The following DLGAP3 variants were observed in gnomAD, a reference collection of about 807,000 sequenced individuals.
The protein encoded by DLGAP3 is disks large-associated protein 3.
DLGAP3 carries 17 observed loss-of-function variants against 81.2 expected under a neutral mutation model. That is an observed-to-expected ratio of 0.21 (90% confidence interval 0.14 to 0.31). The LOEUF is 0.31. DLGAP3 is among the 10% of genes least tolerant of loss of function. The pLI, the probability that DLGAP3 is intolerant of heterozygous loss-of-function variation, is 1.00. For synonymous variants in DLGAP3, 577 were observed against 587.4 expected (o/e 0.98, Z 0.26); for missense variants, 1,124 against 1,388.0 (o/e 0.81, Z 3.02).
At chr1:34,880,228 A>AT (rs1199234083) in intron 8 of DLGAP3, among the ~76,000 whole-genome samples, 2 of 152,026 alleles carry the variant, frequency 1.3e-5, no homozygotes, top group African/African-American at 2.4e-5. Context: ...TAATTTTTGC[A>AT]TTTTTTGTAG....
At chr1:34,889,371 C>G (rs969540722) in intron 5 of DLGAP3, among the ~76,000 whole-genome samples, 1 of 152,186 alleles carries the variant, frequency 6.6e-6, no homozygotes, top group African/African-American at 2.4e-5. Context: ...AGAAATATTA[C>G]ACCCATGTTG....
At chr1:34,910,282 G>A (rs995879065) in intron 1 of DLGAP3, among the ~76,000 whole-genome samples, 1 of 152,160 alleles carries the variant, frequency 6.6e-6, no homozygotes, top group Admixed American at 6.5e-5. Context: ...CACTGCTAAC[G>A]AATCCAACTG....
chr1:34,882,917 T>C (rs955595094), intron 8 of DLGAP3, among the ~76,000 whole-genome samples: 1 of 152,178 alleles, frequency 6.6e-6, no homozygotes, highest in African/African-American at 2.4e-5. Flanking sequence ...TGTCAAACTC[T>C]TTCCTGCCCC....
In DLGAP3 at chr1:34,873,151, A is replaced by G. The variant is rs1639004246; in HGVS notation, c.2001-4062T>C. 1.3e-5 allele frequency among the ~76,000 whole-genome samples: 2 copies of G among 152,238 alleles called. No individual in the cohort carries two copies. Among genetic ancestry groups the G allele is most frequent in the African/African-American group, 4.8e-5 (2 of 41,460 alleles). ...TTAGTGTCAGCCCTACTTGTAGATCAGAAAACCGAGGCTTAGTGGGGTTGA... is the reference window on the plus strand; with the variant it reads ...TTAGTGTCAGCCCTACTTGTAGATCGGAAAACCGAGGCTTAGTGGGGTTGA... On this transcript the variant is annotated intron_variant, in intron 8 of 11. Coordinates refer to ENST00000373347, the MANE Select transcript of DLGAP3 (RefSeq NM_001080418.3). This position sits in a 1 kb window ranked among gnomAD's most constrained non-coding sequence, Gnocchi z 4.2.
chr1:34,927,419 G>A (rs1230803435), intron 1 of DLGAP3, among the ~76,000 whole-genome samples: 1 of 152,112 alleles, frequency 6.6e-6, no homozygotes, highest in Non-Finnish European at 1.5e-5. Context: ...GTTGGACCAA[G>A]TCAATACTAA....
intron 7 of DLGAP3, 145 bp downstream of exon 7, chr1:34,885,333 C>G (rs1364338734): frequency 6.0e-5 from 57 of 945,104 alleles, no homozygotes; most frequent in Non-Finnish European, 9.2e-5. Context: ...GGAGCAGCCC[C>G]GTCGATGTCC....
chr1:34,898,172 G>C (rs1639404996), intron 5 of DLGAP3, among the ~76,000 whole-genome samples: 1 of 152,212 alleles, frequency 6.6e-6, no homozygotes, highest in Admixed American at 6.5e-5. Flanking sequence ...CAGGCTCTCA[G>C]CCATGAGCCC....
intron 1 of DLGAP3, among the ~76,000 whole-genome samples, chr1:34,916,619 G>C (rs1358393305): frequency 6.6e-6 from 1 of 152,040 alleles, no homozygotes; most frequent in Non-Finnish European, 1.5e-5. Context: ...GCCTGACCAA[G>C]GCCTAGGCTG....
rs752231831 is a variant in DLGAP3 at position 34,866,308 on chromosome 1, G to C, written c.2722-7C>G. On this transcript the variant is annotated splice_polypyrimidine_tract_variant and splice_region_variant and intron_variant, in intron 11 of 11. Coordinates refer to ENST00000373347, the MANE Select transcript of DLGAP3 (RefSeq NM_001080418.3). ...GAGGGACCTTCTTCTCCTCCTGCGG[G>C]GCAGAGGGCGTCGCTGAGCTGGGGC... 6.6e-7 allele frequency: 1 copy of C among 1,511,530 alleles called. No homozygotes were observed. Among genetic ancestry groups the C allele is most frequent in the Non-Finnish European group, 8.9e-7 (1 of 1,129,498 alleles). The allele number at this position is 1,511,530 out of a possible 1,614,324, so 93.6% of individuals were successfully genotyped here.
chr1:34,872,575 G>A (rs973306535), intron 8 of DLGAP3, among the ~76,000 whole-genome samples: 6 of 152,214 alleles, frequency 3.9e-5, no homozygotes, highest in East Asian at 1.9e-4. Context: ...TACCTTCCAC[G>A]GCAAAAAGGA....
chr1:34,883,042 A>G (rs1307015300), intron 8 of DLGAP3, among the ~76,000 whole-genome samples: 1 of 152,198 alleles, frequency 6.6e-6, no homozygotes, highest in Non-Finnish European at 1.5e-5. Context: ...TAATCTAAAT[A>G]AGGTCCCTTC....
At chr1:34,884,549 C>T (rs962121635) in intron 8 of DLGAP3, among the ~76,000 whole-genome samples, 26 of 150,680 alleles carry the variant, frequency 1.7e-4, no homozygotes, top group Non-Finnish European at 1.5e-5. Flanking sequence ...AGTGTTATAT[C>T]TGCCAGGGGC....
At position 34,902,680 on chromosome 1, in the gene DLGAP3, G is replaced by C. The variant is rs1639479041; in HGVS notation, c.1107+1597C>G. ...ATTCCCCTTCCCCATTCTCTACAGA[G>C]AGCAGCAGGCAGGTGGAGAGAGGCA... On this transcript the variant is annotated intron_variant, in intron 3 of 11. Transcript: ENST00000373347. This position sits in a 1 kb window ranked among gnomAD's most constrained non-coding sequence, Gnocchi z 4.4. 6.6e-6 allele frequency among the ~76,000 whole-genome samples: 1 copy of C among 152,108 alleles called. No individual in the cohort carries two copies. The highest frequency in any genetic ancestry group is 2.1e-4 in the South Asian group (1 of 4,818).
At chr1:34,918,291 C>T (rs1294213821) in intron 1 of DLGAP3, among the ~76,000 whole-genome samples, 1 of 152,232 alleles carries the variant, frequency 6.6e-6, no homozygotes, top group Non-Finnish European at 1.5e-5. Flanking sequence ...CTTCCTGCCT[C>T]ACCTCGAGGT....
intron 5 of DLGAP3, among the ~76,000 whole-genome samples, chr1:34,889,462 C>A (rs1341559983): frequency 6.6e-6 from 1 of 152,220 alleles, no homozygotes; most frequent in Non-Finnish European, 1.5e-5. Flanking sequence ...TTCCACCCTG[C>A]TTCCCCCAAC....
intron 5 of DLGAP3, among the ~76,000 whole-genome samples, chr1:34,899,270 G>A (rs543553069): frequency 1.4e-4 from 21 of 152,150 alleles, no homozygotes; most frequent in Non-Finnish European, 2.2e-4. Context: ...GGGTTTCACC[G>A]TGTTAGCCAG....
At chr1:34,926,790 T>G (rs1431994804) in intron 1 of DLGAP3, among the ~76,000 whole-genome samples, 1 of 152,156 alleles carries the variant, frequency 6.6e-6, no homozygotes, top group African/African-American at 2.4e-5. Flanking sequence ...CCTGGAAGAT[T>G]TCATTAGAAA....
chr1:34,887,244 C>T (rs918848248), intron 5 of DLGAP3, among the ~76,000 whole-genome samples: 2 of 151,962 alleles, frequency 1.3e-5, no homozygotes, highest in East Asian at 3.9e-4. Flanking sequence ...CGTGAGCCAC[C>T]GCACCCGGCC....
Position 34,899,739 on chromosome 1 carries a change from C to A in DLGAP3, c.1316G>T (p.Cys439Phe). The A allele has an allele frequency of 6.2e-7, 1 of 1,613,796 alleles. No individual in the cohort carries two copies. Among genetic ancestry groups the A allele is most frequent in the South Asian group, 1.1e-5 (1 of 91,066 alleles). ...GGGGTGGATCCGGGGTGGGACACAG[C>A]AGCTGGAAAAGGGCAAAATTCCGGA... is the stretch of plus-strand genomic sequence containing the variant. ...SSSVDQARIN[C>F]CVPPRIHPRS... The change falls in exon 5 of 12, where the codon TGC (cysteine) becomes TTC (phenylalanine). Residue 439 changes from cysteine (C) to phenylalanine (F), a missense_variant and splice_region_variant. Coordinates refer to ENST00000373347, the MANE Select transcript of DLGAP3 (RefSeq NM_001080418.3).
Sources: allele counts gnomAD v4.1 joint callset (sites outside exome capture counted in the v4.1 genomes callset), GRCh38; gene constraint gnomAD v4.1.1; non-coding constraint Gnocchi (gnomAD v3.1); transcripts MANE v1.5; gene names NCBI Gene and HGNC (gene_info 2026-07-23, HGNC 2026-07-21).